The following EIF2S1 variants were observed in gnomAD, a reference collection of about 807,000 sequenced individuals.
EIF2S1 encodes the protein eukaryotic translation initiation factor 2 subunit alpha.
In EIF2S1, 5 loss-of-function variants were observed where a neutral mutation model predicts 33.5. That is an observed-to-expected ratio of 0.15 (90% CI 0.08 to 0.31). The LOEUF is 0.31. Ranked by LOEUF, EIF2S1 falls within the 10% of genes least tolerant of loss-of-function variation. The probability of loss-of-function intolerance (pLI) is 1.00; values close to 1 mark genes in which losing one functional copy is unlikely to be tolerated. For missense variants in EIF2S1, 191 were observed against 384.6 expected (o/e 0.50, Z 4.21); for synonymous variants, 99 against 127.5 (o/e 0.78, Z 1.51).
Position 67,380,752 on chromosome 14 carries a change from CA to C in EIF2S1, c.571del (p.Ile191PhefsTer18). ...ATAGGCGCTTGACCCCACAGGCTGT[CA>C]AAATTCGAGCAGGTAAATGATTTTT... ...INRRLTPQAV[K>X]IRADIEVACY... On this transcript the variant is annotated frameshift_variant, in exon 5 of 8. Transcript: ENST00000256383. LOFTEE classifies it high-confidence loss of function. 1 of 1,526,992 alleles carries C rather than the reference CA, an allele frequency of 6.5e-7. No homozygotes were observed. Among genetic ancestry groups the C allele is most frequent in the South Asian group, 1.3e-5 (1 of 75,352 alleles). 94.6% of individuals were successfully genotyped at this position (1,526,992 alleles called of 1,614,324 possible). A position where few individuals can be genotyped will look rare whatever the true frequency, so the allele number is the denominator to read the frequency against.
chr14:67,373,395 G>A (rs2085837184), intron 2 of EIF2S1, among the ~76,000 whole-genome samples: 2 of 152,164 alleles, frequency 1.3e-5, no homozygotes, highest in African/African-American at 4.8e-5. Context: ...ACAGAATATA[G>A]GAGGAAAACT....
Position 67,383,838 on chromosome 14 carries a change from A to T in EIF2S1, c.*398A>T. ...TATAAAATGTATTCAAGCAAACATCAAATAAATTTCTGGGATATTTAACTA... is the reference window on the plus strand; with the variant it reads ...TATAAAATGTATTCAAGCAAACATCTAATAAATTTCTGGGATATTTAACTA... On this transcript the variant is annotated 3_prime_UTR_variant, in exon 8 of 8. Transcript: ENST00000256383. 4.1e-6 allele frequency: 1 copy of T among 241,476 alleles called. No individual in the cohort carries two copies. 15.0% of individuals were successfully genotyped at this position (241,476 alleles called of 1,614,324 possible). A position where few individuals can be genotyped will look rare whatever the true frequency, so the allele number is the denominator to read the frequency against.
chr14:67,361,200 G>T (rs2085736255), intron 1 of EIF2S1, among the ~76,000 whole-genome samples: 1 of 152,060 alleles, frequency 6.6e-6, no homozygotes, highest in African/African-American at 2.4e-5. Flanking sequence ...TCAAAACTTA[G>T]GCTTTTTAAA....
At chr14:67,371,780 A>G (rs1033000013) in intron 2 of EIF2S1, among the ~76,000 whole-genome samples, 1 of 152,250 alleles carries the variant, frequency 6.6e-6, no homozygotes, top group African/African-American at 2.4e-5. Context: ...GACTAATTTT[A>G]TGAGGCCATC....
At chr14:67,374,356 A>G (rs1432323422) in intron 2 of EIF2S1, 112 bp from the exon 3 acceptor site, 3 of 548,278 alleles carry the variant, frequency 5.5e-6, no homozygotes, top group Non-Finnish European at 6.4e-6. Flanking sequence ...GGATTTTAGT[A>G]GGAAATAATT....
rs1186094158 is a variant in EIF2S1, at chr14:67,360,905, A to G, written c.-2+449A>G. Among the ~76,000 whole-genome samples, 5 of 152,110 alleles carry G rather than the reference A, an allele frequency of 3.3e-5. No homozygotes were observed. In the East Asian group the frequency reaches 9.6e-4, roughly 29 times the overall value. The stretch of plus-strand genomic sequence containing the variant: ...TTCCCCTGCGTCTCAGTGGAAACCA[A>G]ACTGGCCTCTTACCTGAGAAACCTG... On this transcript the variant is annotated intron_variant, in intron 1 of 7. Coordinates refer to ENST00000256383, the MANE Select transcript of EIF2S1 (RefSeq NM_004094.5).
At chr14:67,366,137 T>A (rs2085777137) in intron 2 of EIF2S1, among the ~76,000 whole-genome samples, 1 of 151,270 alleles carries the variant, frequency 6.6e-6, no homozygotes, top group South Asian at 2.1e-4. Context: ...GGCTGCAGTG[T>A]AGTGGTATGA....
intron 2 of EIF2S1, 106 bp from the exon 3 acceptor site, chr14:67,374,362 T>A: frequency 1.8e-6 from 1 of 567,756 alleles, no homozygotes; most frequent in Non-Finnish European, 3.1e-6. Context: ...TAGTAGGAAA[T>A]AATTATAAGT....
intron 2 of EIF2S1, among the ~76,000 whole-genome samples, chr14:67,374,163 C>T (rs946683771): frequency 2.0e-5 from 3 of 152,152 alleles, no homozygotes; most frequent in African/African-American, 7.2e-5. Flanking sequence ...TGAGCACCAA[C>T]ATGACACTCA....
chr14:67,369,335 G>A (rs1305476106), intron 2 of EIF2S1, among the ~76,000 whole-genome samples: 1 of 152,206 alleles, frequency 6.6e-6, no homozygotes, highest in African/African-American at 2.4e-5. Context: ...TCATCACTGT[G>A]TATGTGCCTA....
intron 6 of EIF2S1, among the ~76,000 whole-genome samples, chr14:67,382,239 C>G (rs542952775): frequency 6.6e-6 from 1 of 151,508 alleles, no homozygotes; most frequent in East Asian, 2.0e-4. Flanking sequence ...GCATTAGATC[C>G]CTGTGTTGAT....
At chr14:67,361,297 G>T (rs1350543335) in intron 1 of EIF2S1, among the ~76,000 whole-genome samples, 4 of 152,154 alleles carry the variant, frequency 2.6e-5, no homozygotes. Context: ...GTTATTCAAG[G>T]AACAATCTCT....
At chr14:67,367,353 C>G (rs1206217944) in intron 2 of EIF2S1, among the ~76,000 whole-genome samples, 1 of 152,180 alleles carries the variant, frequency 6.6e-6, no homozygotes, top group Non-Finnish European at 1.5e-5. Flanking sequence ...GTCTCAGCCT[C>G]CAGAGTAGCT....
intron 2 of EIF2S1, among the ~76,000 whole-genome samples, chr14:67,368,387 C>G: frequency 6.6e-6 from 1 of 152,216 alleles, no homozygotes; most frequent in African/African-American, 2.4e-5. Context: ...CAAGCAAGCC[C>G]TTTGCTGACT....
At position 67,383,557 on chromosome 14, in the gene EIF2S1, T is replaced by G. The variant is rs1460128991; in HGVS notation, c.*117T>G. On this transcript the variant is annotated 3_prime_UTR_variant, in exon 8 of 8. Transcript: ENST00000256383. ...TTCAAAGCTGAATATTTTTTATTTC[T>G]AAGTATTTAAATGTTCTAACAGATC... 4 of 1,419,138 alleles carry G rather than the reference T, an allele frequency of 2.8e-6. No individual in the cohort carries two copies. In the East Asian group the frequency reaches 1.1e-4, roughly 38 times the overall value. The allele number at this position is 1,419,138 out of a possible 1,614,324, so 87.9% of individuals were successfully genotyped here.
At chr14:67,376,757 T>C (rs1037599937) in intron 4 of EIF2S1, among the ~76,000 whole-genome samples, 167 bp downstream of exon 4, 3 of 152,252 alleles carry the variant, frequency 2.0e-5, no homozygotes, top group Admixed American at 6.5e-5. Context: ...TGTAGTTTTA[T>C]GTATCATAGT....
Position 67,376,609 on chromosome 14 carries a change from C to T in EIF2S1, c.473+19C>T. 6.2e-7 allele frequency: 1 copy of T among 1,608,112 alleles called. No individual in the cohort carries two copies. Among genetic ancestry groups the T allele is most frequent in the Non-Finnish European group, 8.5e-7 (1 of 1,175,792 alleles). ...CAGTCTCGTAAGAATACCTTCTTGA[C>T]TCTCCTTCTACCTTGATATCACAAC... On this transcript the variant is annotated intron_variant, in intron 4 of 7. Transcript: ENST00000256383.
At chr14:67,361,404 G>T (rs887694323) in intron 1 of EIF2S1, among the ~76,000 whole-genome samples, 2 of 152,208 alleles carry the variant, frequency 1.3e-5, no homozygotes, top group Non-Finnish European at 2.9e-5. Flanking sequence ...AGTAATGTTT[G>T]TAGAGATTCG....
intron 4 of EIF2S1, among the ~76,000 whole-genome samples, chr14:67,379,868 A>G (rs1166076306): frequency 6.6e-6 from 1 of 151,406 alleles, no homozygotes; most frequent in Non-Finnish European, 1.5e-5. Context: ...TTTAGCCGGG[A>G]TGGTCTCGAT....
Sources: allele counts gnomAD v4.1 joint callset (sites outside exome capture counted in the v4.1 genomes callset), GRCh38; gene constraint gnomAD v4.1.1; transcripts MANE v1.5; gene names NCBI Gene and HGNC (gene_info 2026-07-23, HGNC 2026-07-21).